Variants in USP10 observed in about 807,000 individuals in gnomAD.
The protein encoded by USP10 is ubiquitin specific peptidase 10, also known as ubiquitin carboxyl-terminal hydrolase 10.
A neutral mutation model predicts 84.5 loss-of-function variants in USP10; 22 were observed. That is an observed-to-expected ratio of 0.26 (90% CI 0.19 to 0.37). USP10 has a LOEUF of 0.37. USP10 is among the 10% of genes least tolerant of loss of function. The probability of loss-of-function intolerance (pLI) is 1.00; values close to 1 mark genes in which losing one functional copy is unlikely to be tolerated. For missense variants in USP10, 1,019 were observed against 998.9 expected (o/e 1.02, Z -0.27); for synonymous variants, 454 against 387.6 (o/e 1.17, Z -2.01).
intron 13 of USP10, among the ~76,000 whole-genome samples, chr16:84,777,010 G>A (rs1256862714): frequency 1.3e-5 from 2 of 152,142 alleles, no homozygotes; most frequent in South Asian, 2.1e-4. Context: ...ACGAGGTTTC[G>A]CCCTTTTGGC....
chr16:84,750,462 C>T (rs565994344), intron 4 of USP10, among the ~76,000 whole-genome samples: 37 of 150,040 alleles, frequency 2.5e-4, no homozygotes, highest in Non-Finnish European at 4.4e-4. Context: ...AGTTGCAAAA[C>T]GCGACACCCT....
At chr16:84,752,609 A>G (rs1273555781) in intron 4 of USP10, among the ~76,000 whole-genome samples, 1 of 152,232 alleles carries the variant, frequency 6.6e-6, no homozygotes, top group Non-Finnish European at 1.5e-5. Flanking sequence ...TGGAAGTGGT[A>G]TTAGTTCTGG....
intron 11 of USP10, among the ~76,000 whole-genome samples, chr16:84,770,921 C>CTGG (rs1914382552): frequency 6.6e-6 from 1 of 152,006 alleles, no homozygotes; most frequent in Admixed American, 6.6e-5. Flanking sequence ...CAAAAATTAA[C>CTGG]TGGGCATGGT....
intron 1 of USP10, among the ~76,000 whole-genome samples, chr16:84,711,867 G>A (rs1458135187): frequency 1.3e-5 from 2 of 151,916 alleles, no homozygotes; most frequent in East Asian, 1.9e-4. Context: ...TTACAGGTGC[G>A]TGCCACCATG....
At chr16:84,773,722 G>T (rs2150873482) in intron 12 of USP10, among the ~76,000 whole-genome samples, 2 of 152,284 alleles carry the variant, frequency 1.3e-5, no homozygotes, top group Admixed American at 1.3e-4. Flanking sequence ...AAAGATGCCA[G>T]TGAGAATCAT....
intron 2 of USP10, among the ~76,000 whole-genome samples, chr16:84,739,205 C>T (rs1424873364): frequency 1.3e-5 from 2 of 151,578 alleles, no homozygotes; most frequent in African/African-American, 2.4e-5. Flanking sequence ...ACTACAGGCA[C>T]CCACCACCAT....
At chr16:84,767,533 C>G (rs1172975955) in intron 10 of USP10, among the ~76,000 whole-genome samples, 2 of 152,104 alleles carry the variant, frequency 1.3e-5, no homozygotes, top group Non-Finnish European at 2.9e-5. Context: ...CTTGGGATTT[C>G]CTCTATTTTA....
intron 2 of USP10, among the ~76,000 whole-genome samples, chr16:84,737,976 G>A (rs1427147435): frequency 2.0e-5 from 3 of 152,218 alleles, no homozygotes; most frequent in East Asian, 3.8e-4. Flanking sequence ...CGATTGCTGG[G>A]GTTTTCTTCT....
At chr16:84,707,070 A>G (rs1270276709) in intron 1 of USP10, among the ~76,000 whole-genome samples, 1 of 152,186 alleles carries the variant, frequency 6.6e-6, no homozygotes, top group Non-Finnish European at 1.5e-5. Context: ...GTAAGATAAG[A>G]CCCAGAGAGG....
chr16:84,740,198 T>C, intron 2 of USP10, 111 bp from the exon 3 acceptor site: 2 of 910,920 alleles, frequency 2.2e-6, no homozygotes, highest in East Asian at 2.6e-5. Context: ...AGTAACGGCA[T>C]GCAAAGTTGT....
At chr16:84,719,764 A>G (rs1907541895) in intron 1 of USP10, among the ~76,000 whole-genome samples, 1 of 152,260 alleles carries the variant, frequency 6.6e-6, no homozygotes, top group Non-Finnish European at 1.5e-5. Context: ...ACTTAAATAC[A>G]TAATTAAAGA....
intron 9 of USP10, among the ~76,000 whole-genome samples, chr16:84,763,422 A>G (rs1005284424): frequency 1.3e-5 from 2 of 152,186 alleles, no homozygotes; most frequent in Non-Finnish European, 2.9e-5. Flanking sequence ...ATATATATAT[A>G]TGTCTTATCT....
chr16:84,749,397 C>T (rs1911636324), intron 4 of USP10, among the ~76,000 whole-genome samples: 1 of 152,110 alleles, frequency 6.6e-6, no homozygotes, highest in Non-Finnish European at 1.5e-5. Flanking sequence ...ACTGTTTCTA[C>T]TGAGACAGTG....
At chr16:84,727,538 A>G (rs962497158) in intron 1 of USP10, among the ~76,000 whole-genome samples, 1 of 152,242 alleles carries the variant, frequency 6.6e-6, no homozygotes, top group South Asian at 2.1e-4. Flanking sequence ...TGCGGAAAGA[A>G]AAATAGTACA....
chr16:84,705,743 A>T (rs1211887330), intron 1 of USP10, among the ~76,000 whole-genome samples: 7 of 99,354 alleles, frequency 7.0e-5, no homozygotes, highest in Admixed American at 1.3e-4. Flanking sequence ...TTTTTTTGAG[A>T]CAGTCTTGCT....
chr16:84,775,541 G>A (rs746788125), intron 13 of USP10, among the ~76,000 whole-genome samples: 1 of 152,224 alleles, frequency 6.6e-6, no homozygotes, highest in Non-Finnish European at 1.5e-5. Context: ...TGTGCTTGTG[G>A]CACCTGTGGG....
chr16:84,769,828 G>A (rs1914239486), intron 11 of USP10, among the ~76,000 whole-genome samples: 2 of 152,178 alleles, frequency 1.3e-5, no homozygotes, highest in African/African-American at 4.8e-5. Flanking sequence ...TTGCTGGGGT[G>A]GGCTGGTAGG....
chr16:84,726,267 C>T (rs11149678), intron 1 of USP10, among the ~76,000 whole-genome samples: 107,586 of 152,196 alleles, frequency 0.71, 39,209 homozygotes, highest in East Asian at 0.95. Flanking sequence ...CCGAAAGTGG[C>T]GTTTCCCGCA....
At chr16:84,742,575 G>A (rs941504329) in intron 3 of USP10, among the ~76,000 whole-genome samples, 1 of 152,218 alleles carries the variant, frequency 6.6e-6, no homozygotes, top group African/African-American at 2.4e-5. Flanking sequence ...GGTTTTAAGA[G>A]CCTCTGCCTG....
Sources: allele counts gnomAD v4.1 joint callset (sites outside exome capture counted in the v4.1 genomes callset), GRCh38; gene constraint gnomAD v4.1.1; transcripts MANE v1.5; gene names NCBI Gene and HGNC (gene_info 2026-07-23, HGNC 2026-07-21).